CC2D1B: variants seen among roughly 807,000 people sequenced by gnomAD.
CC2D1B encodes coiled-coil and C2 domain-containing protein 1B.
Under a neutral mutation model 110.8 loss-of-function variants are expected in CC2D1B, and 92 were observed. That is an observed-to-expected ratio of 0.83 (90% CI 0.70 to 0.99). The LOEUF is 0.99. Among genes scored for constraint, CC2D1B ranks in the 50% least tolerant of loss-of-function variants. CC2D1B has a pLI of 0.00. For synonymous variants in CC2D1B, 406 were observed against 429.2 expected (o/e 0.95, Z 0.67); for missense variants, 1,136 against 1,089.0 (o/e 1.04, Z -0.61).
chr1:52,356,529 A>G (rs371601586), intron 16 of CC2D1B, 87 bp from the exon 17 acceptor site: 8 of 1,433,556 alleles, frequency 5.6e-6, no homozygotes, highest in East Asian at 2.3e-5. Context: ...CAAAGCTTCA[A>G]CTTTCCTCTG....
Position 52,359,332 on chromosome 1 carries a change from C to T in CC2D1B, c.1044G>A (p.Gln348=), listed in dbSNP as rs528551779. 1 of 1,613,436 alleles carries T rather than the reference C, an allele frequency of 6.2e-7. No homozygotes were observed. The highest frequency in any genetic ancestry group is 1.7e-5 in the Admixed American group (1 of 59,944). Residue 348 remains glutamine (Q), a synonymous_variant, in exon 10 of 25, where the codon CAG becomes CAA. Transcript: ENST00000284376. ...GAATGACTGAGGGTGCTGTGGGAGC[C>T]TGAGAAGCCTGCTGGGGCTTCAGAT... ...PEDLKPQQAS[Q]APTAPSVIPP...
chr1:52,359,895 C>CA lies in CC2D1B; in HGVS notation c.764-13dup, dbSNP rs771597521. 5.6e-6 allele frequency: 9 copies of CA among 1,607,214 alleles called. No homozygotes were observed. The South Asian group carries it at 1.0e-4, about 18-fold the overall frequency. On this transcript the variant is annotated splice_polypyrimidine_tract_variant and intron_variant, in intron 7 of 24. Coordinates refer to ENST00000284376, the MANE Select transcript of CC2D1B (RefSeq NM_001330585.2). Reference sequence around the variant, plus strand: ...TTGGGAGGGGTTGTCTATAAGGAAACAAACAGTCCCCAGAGAGCACATGAG... The same window carrying CA: ...TTGGGAGGGGTTGTCTATAAGGAAACAAAACAGTCCCCAGAGAGCACATGAG...
At chr1:52,365,446 G>A (rs1190625199) in intron 1 of CC2D1B, among the ~76,000 whole-genome samples, 2 of 152,260 alleles carry the variant, frequency 1.3e-5, no homozygotes, top group Admixed American at 6.5e-5. Context: ...AGGATTCCAA[G>A]ACGAGGGAAC....
In CC2D1B at chr1:52,354,647, C is replaced by T. The variant is rs144497192; in HGVS notation, c.2391G>A (p.Glu797=). The change falls in exon 23 of 25, where the codon GAG becomes GAA. Residue 797 remains glutamate (E), a synonymous_variant. Coordinates refer to ENST00000284376, the MANE Select transcript of CC2D1B (RefSeq NM_001330585.2). ...KLVGTAHLKL[E]RLENECEIRE... ...TGATCTCACACTCATTCTCCAGCCG[C>T]TCCAGTTTCAGGTGTGCTGTGCCAA... is the stretch of plus-strand genomic sequence containing the variant. The T allele has an allele frequency of 4.3e-5, 69 of 1,614,134 alleles. No homozygotes were observed. Among genetic ancestry groups the T allele is most frequent in the Non-Finnish European group, 5.1e-6 (6 of 1,180,058 alleles).
chr1:52,354,748 A>G (rs751920219), intron 22 of CC2D1B, 50 bp from the exon 23 acceptor site: 7 of 1,606,920 alleles, frequency 4.4e-6, no homozygotes, highest in Non-Finnish European at 5.1e-6. Flanking sequence ...GGAAGGCAGG[A>G]ATGTGCTGGC....
chr1:52,356,132 C>A, intron 18 of CC2D1B, 54 bp downstream of exon 18: 2 of 1,483,732 alleles, frequency 1.3e-6, no homozygotes, highest in East Asian at 2.3e-5. Context: ...GGCCTGGGCT[C>A]CCAGCCTCCT....
chr1:52,354,493 T>C (rs750309077), intron 23 of CC2D1B, 115 bp downstream of exon 23: 6 of 895,208 alleles, frequency 6.7e-6, no homozygotes, highest in Admixed American at 5.1e-5. Context: ...AGCACACTTG[T>C]GGAGAATTTC....
chr1:52,362,529 A>C (rs1209818797), intron 3 of CC2D1B, 73 bp downstream of exon 3: 26 of 1,571,962 alleles, frequency 1.7e-5, no homozygotes, highest in Non-Finnish European at 2.1e-5. Flanking sequence ...GTCCAGCTGC[A>C]AGGGAACCCC....
chr1:52,354,568 C>T (rs754070552), intron 23 of CC2D1B, 40 bp downstream of exon 23: 23 of 1,546,992 alleles, frequency 1.5e-5, no homozygotes, highest in African/African-American at 2.7e-5. Context: ...TGGCTCTTGT[C>T]GTACCAACCC....
chr1:52,361,856 T>C (rs113202057), intron 3 of CC2D1B, among the ~76,000 whole-genome samples: 7 of 152,324 alleles, frequency 4.6e-5, no homozygotes, highest in African/African-American at 1.7e-4. Context: ...TACGGTAGCC[T>C]GACATAGACA....
rs148258769 is a variant in CC2D1B at position 52,360,043 on chromosome 1, A to G, written c.763+31T>C. 134 of 1,557,188 alleles carry G rather than the reference A, an allele frequency of 8.6e-5. 1 individual carries two copies. The East Asian group carries it at 2.8e-3, about 33-fold the overall frequency. Reference sequence around the variant, plus strand: ...CACGCTGTGGGCTATGACCCCAGGAACTAGAACAGGATTTGGGCATCTGCA... The same window carrying G: ...CACGCTGTGGGCTATGACCCCAGGAGCTAGAACAGGATTTGGGCATCTGCA... On this transcript the variant is annotated intron_variant, in intron 7 of 24. Transcript: ENST00000284376.
chr1:52,357,559 C>T lies in CC2D1B; in HGVS notation c.1719G>A (p.Gln573=), dbSNP rs78400897. The T allele has an allele frequency of 1.9e-6, 3 of 1,582,108 alleles. No homozygotes were observed. The highest frequency in any genetic ancestry group is 2.3e-5 in the South Asian group (2 of 87,156). The part of the protein sequence containing the change: ...VAKWLEAQII[Q]ARSGRPVDLS... Reference sequence around the variant, plus strand: ...GATCAACAGGTCTGCCAGATCGGGCCTGGATGATCTGAGCCTCAAGCCATT... The same window carrying T: ...GATCAACAGGTCTGCCAGATCGGGCTTGGATGATCTGAGCCTCAAGCCATT... The change falls in exon 15 of 25, where the codon CAG becomes CAA. Residue 573 remains glutamine (Q), a synonymous_variant. Transcript: ENST00000284376.
intron 12 of CC2D1B, 85 bp downstream of exon 12, chr1:52,358,601 G>T: frequency 1.3e-6 from 2 of 1,566,072 alleles, no homozygotes; most frequent in African/African-American, 1.4e-5. Context: ...AGACGCATGA[G>T]AAGTGGGAAT....
At position 52,356,176 on chromosome 1, in the gene CC2D1B, GC is replaced by G. The variant is rs1646646998; in HGVS notation, c.2054+9del. ...CTGCCTGGAGCCCCTGTTTCCCTAGGCCTTGGTACCTCACAGTCTGGAATGT... is the reference window on the plus strand; with the variant it reads ...CTGCCTGGAGCCCCTGTTTCCCTAGGCTTGGTACCTCACAGTCTGGAATGT... On this transcript the variant is annotated intron_variant, in intron 18 of 24. Coordinates refer to ENST00000284376, the MANE Select transcript of CC2D1B (RefSeq NM_001330585.2). 3.2e-5 allele frequency: 52 copies of G among 1,601,740 alleles called. No individual in the cohort carries two copies. Among genetic ancestry groups the G allele is most frequent in the Non-Finnish European group, 4.4e-5 (52 of 1,169,178 alleles).
chr1:52,355,723 G>C (rs751442751), intron 19 of CC2D1B, 48 bp downstream of exon 19: 13 of 1,613,692 alleles, frequency 8.1e-6, no homozygotes, highest in Middle Eastern at 1.7e-4. Flanking sequence ...CTAGCACTTG[G>C]AGTGTCCGGG....
At position 52,352,519 on chromosome 1, in the gene CC2D1B, A is replaced by G. The variant is rs937503494; in HGVS notation, c.*706T>C. 2 of 152,644 alleles carry G rather than the reference A, an allele frequency of 1.3e-5. No homozygotes were observed. The highest frequency in any genetic ancestry group is 4.8e-5 in the African/African-American group (2 of 41,460). 9.5% of individuals were successfully genotyped at this position (152,644 alleles called of 1,614,324 possible). A position where few individuals can be genotyped will look rare whatever the true frequency, so the allele number is the denominator to read the frequency against. ...ATGAGTTAGACTTAGTTTCCTAGAT[A>G]AATAAACGTGTCTACATAAAATTTT... On this transcript the variant is annotated 3_prime_UTR_variant, in exon 25 of 25. Coordinates refer to ENST00000284376, the MANE Select transcript of CC2D1B (RefSeq NM_001330585.2).
In CC2D1B at chr1:52,357,816, C is replaced by T; in HGVS notation, c.1544G>A (p.Arg515Lys). Residue 515 changes from arginine to lysine, a missense_variant, in exon 14 of 25, where the codon AGG (arginine) becomes AAG (lysine). Physicochemically the swap from Arg to Lys is conservative, Grantham distance 26. Transcript: ENST00000284376. ...CGGTGACTCCTTAGAACTTGAGGCC[C>T]TGGGCTCAGGCAGGCGCTGGGATGA... Reference protein sequence around the residue: ...VPSSQRLPEPRASSSKESPSP... With the variant: ...VPSSQRLPEPKASSSKESPSP... The T allele has an allele frequency of 1.3e-6, 2 of 1,592,776 alleles. No homozygotes were observed. The highest frequency in any genetic ancestry group is 8.5e-7 in the Non-Finnish European group (1 of 1,169,864).
chr1:52,360,582 C>A lies in CC2D1B; in HGVS notation c.478-33G>T, dbSNP rs200669825. 1.8e-5 allele frequency: 29 copies of A among 1,605,256 alleles called. No homozygotes were observed. In the South Asian group the frequency reaches 3.2e-4, roughly 18 times the overall value. ...CAATTCAGCTAAGGGCCTGGCCACT[C>A]CAGGGCCTGCTAGGCCTACCATTCT... On this transcript the variant is annotated intron_variant, in intron 5 of 24. Transcript: ENST00000284376.
chr1:52,360,601 C>T (rs924078978), intron 5 of CC2D1B, 52 bp from the exon 6 acceptor site: 1 of 1,583,550 alleles, frequency 6.3e-7, no homozygotes, highest in East Asian at 2.2e-5. Flanking sequence ...GCTAGGCCTA[C>T]CATTCTCCCT....
Sources: gnomAD v4.1 joint callset for allele counts (sites outside exome capture counted in the v4.1 genomes callset) on GRCh38, gnomAD v4.1.1 for gene constraint, MANE v1.5 for transcripts, NCBI Gene and HGNC (gene_info 2026-07-23, HGNC 2026-07-21) for gene names.